The following ZFAND4 variants were observed in gnomAD, a reference collection of about 807,000 sequenced individuals.
ZFAND4 encodes zinc finger AN1-type containing 4.
A neutral mutation model predicts 64.4 loss-of-function variants in ZFAND4; 43 were observed. The observed-to-expected ratio is 0.67, with a 90% CI of 0.52 to 0.86. The LOEUF (loss-of-function observed/expected upper bound fraction) is 0.86. ZFAND4 is among the 40% of genes least tolerant of loss of function. ZFAND4 has a pLI of 0.00. For missense variants in ZFAND4, 929 were observed against 859.8 expected (o/e 1.08, Z -1.01); for synonymous variants, 296 against 305.7 (o/e 0.97, Z 0.33).
chr10:45,672,293 A>G lies in ZFAND4; in HGVS notation c.-161T>C, dbSNP rs1223943055. ...TCACCTGCGCAGCCGTTGCTCCTCC[A>G]AGACCAATCCGGGCTCCCCAGACCC... On this transcript the variant is annotated 5_prime_UTR_variant, in exon 1 of 10. Coordinates refer to ENST00000344646, the MANE Select transcript of ZFAND4 (RefSeq NM_174890.4). 3 of 152,302 alleles carry G rather than the reference A, an allele frequency of 2.0e-5. No individual in the cohort carries two copies. Among genetic ancestry groups the G allele is most frequent in the Non-Finnish European group, 1.5e-5 (1 of 68,102 alleles). The allele number at this position is 152,302 out of a possible 1,614,324, so 9.4% of individuals were successfully genotyped here.
Position 45,618,256 on chromosome 10 carries a change from T to C in ZFAND4, c.1932A>G (p.Glu644=), listed in dbSNP as rs1030407570. Residue 644 remains glutamate (E), a synonymous_variant, in exon 9 of 10, where the codon GAA becomes GAG. Coordinates refer to ENST00000344646, the MANE Select transcript of ZFAND4 (RefSeq NM_174890.4). ...NNAAAGKSVG[E]CTTHHLPPVK... ...CAGGTGGGAGGTGATGAGTAGTACA[T>C]TCTCCTGTTTAGAGAAAGGACACCT... 6.2e-7 allele frequency: 1 copy of C among 1,611,060 alleles called. No individual in the cohort carries two copies. The highest frequency in any genetic ancestry group is 8.5e-7 in the Non-Finnish European group (1 of 1,179,180).
intron 6 of ZFAND4, among the ~76,000 whole-genome samples, chr10:45,631,463 G>A (rs2046220493): frequency 6.7e-6 from 1 of 149,428 alleles, no homozygotes. Flanking sequence ...AGTGAAAATT[G>A]ACCCTGAAGA....
chr10:45,655,001 G>A (rs1433936929), intron 2 of ZFAND4, among the ~76,000 whole-genome samples: 1 of 151,928 alleles, frequency 6.6e-6, no homozygotes, highest in African/African-American at 2.4e-5. Context: ...AGAACAAATG[G>A]ACCTAACAGA....
intron 8 of ZFAND4, among the ~76,000 whole-genome samples, chr10:45,619,827 G>C (rs2045281578): frequency 6.6e-6 from 1 of 152,066 alleles, no homozygotes; most frequent in Non-Finnish European, 1.5e-5. Flanking sequence ...TGAAACAATT[G>C]AGAGACTCCT....
At position 45,639,214 on chromosome 10, in the gene ZFAND4, C is replaced by T. The variant is rs139628770; in HGVS notation, c.717+602G>A. ...AAATCTGTAACAAAAAACATACAAC[C>T]CAATAGAAAAATGGAAAAATATAGG... On this transcript the variant is annotated intron_variant, in intron 6 of 9. Coordinates refer to ENST00000344646, the MANE Select transcript of ZFAND4 (RefSeq NM_174890.4). Among the ~76,000 whole-genome samples the T allele has an allele frequency of 4.2e-3, 639 of 151,732 alleles. 4 individuals are homozygous for T. Among genetic ancestry groups the T allele is most frequent in the African/African-American group, 0.015 (605 of 41,388 alleles).
intron 6 of ZFAND4, among the ~76,000 whole-genome samples, chr10:45,631,135 G>A (rs559216911): frequency 1.3e-5 from 2 of 151,920 alleles, no homozygotes; most frequent in African/African-American, 2.4e-5. Context: ...TGGCTAACAC[G>A]GTGAAACCCT....
chr10:45,663,042 C>A (rs924257022), intron 2 of ZFAND4, among the ~76,000 whole-genome samples: 4 of 151,372 alleles, frequency 2.6e-5, no homozygotes, highest in African/African-American at 9.7e-5. Flanking sequence ...TTATTCAGCA[C>A]CCCTGCTATA....
Position 45,627,033 on chromosome 10 carries a change from A to G in ZFAND4, c.790T>C (p.Ser264Pro), listed in dbSNP as rs1170975649. ...PRPSSGSTAP[S>P]RHRLLRVLPN... ...AGGACCCTTAACAATCGGTGGCGAG[A>G]TGGTGCAGTGGAACCACTAGAAGGT... Residue 264 changes from serine to proline, a missense_variant, in exon 7 of 10, where the codon TCT becomes CCT. By Grantham distance (74) the Ser-to-Pro change is moderately conservative. Transcript: ENST00000344646. 1.2e-6 allele frequency: 2 copies of G among 1,604,084 alleles called. No individual in the cohort carries two copies. The highest frequency in any genetic ancestry group is 1.7e-6 in the Non-Finnish European group (2 of 1,174,256).
chr10:45,625,962 C>G lies in ZFAND4; in HGVS notation c.1861G>C (p.Gly621Arg). ...AGGAAAATACTGACCAAAAAAACTCCTGTATGTTCTAACTGGGGAGAACTT... is the reference window on the plus strand; with the variant it reads ...AGGAAAATACTGACCAAAAAAACTCGTGTATGTTCTAACTGGGGAGAACTT... ...RKSSPQLEHT[G>R]VFLSTHGVGM... Residue 621 changes from glycine (G) to arginine (R), a missense_variant, in exon 7 of 10, where the codon GGA (glycine) becomes CGA (arginine). By Grantham distance (125) the Gly-to-Arg change is moderately radical. Transcript: ENST00000344646. The G allele has an allele frequency of 2.5e-6, 4 of 1,613,554 alleles. No individual in the cohort carries two copies. The highest frequency in any genetic ancestry group is 3.4e-6 in the Non-Finnish European group (4 of 1,179,886).
At chr10:45,656,590 T>C (rs1333488986) in intron 2 of ZFAND4, among the ~76,000 whole-genome samples, 1 of 126,332 alleles carries the variant, frequency 7.9e-6, no homozygotes, top group African/African-American at 3.0e-5. Flanking sequence ...AGCACCAGAA[T>C]ATCAAAACAC....
At chr10:45,640,594 G>A (rs966575049) in intron 5 of ZFAND4, among the ~76,000 whole-genome samples, 1 of 151,954 alleles carries the variant, frequency 6.6e-6, no homozygotes, top group Non-Finnish European at 1.5e-5. Flanking sequence ...GGGTTCAAGC[G>A]ATTCTCCTGC....
chr10:45,671,696 G>A (rs898813463), intron 1 of ZFAND4, among the ~76,000 whole-genome samples: 1 of 152,122 alleles, frequency 6.6e-6, no homozygotes, highest in Admixed American at 6.5e-5. Context: ...GAGTGAGATG[G>A]GGGGAGGGAT....
At chr10:45,650,640 A>C (rs1589382729) in intron 4 of ZFAND4, 1 of 152,218 alleles carries the variant, frequency 6.6e-6, no homozygotes, top group South Asian at 2.1e-4. Context: ...CTTTGGTTTA[A>C]AGTAGTACTA....
At chr10:45,671,539 G>A (rs1241158069) in intron 1 of ZFAND4, among the ~76,000 whole-genome samples, 2 of 152,122 alleles carry the variant, frequency 1.3e-5, no homozygotes, top group Non-Finnish European at 2.9e-5. Flanking sequence ...CATGGACATG[G>A]ATGAAGCTGG....
intron 6 of ZFAND4, among the ~76,000 whole-genome samples, chr10:45,627,402 C>G (rs188135802): frequency 6.6e-6 from 1 of 151,680 alleles, no homozygotes; most frequent in Non-Finnish European, 1.5e-5. Flanking sequence ...TATGACATTG[C>G]TGACCTATTT....
At position 45,632,230 on chromosome 10, in the gene ZFAND4, C is replaced by T. The variant is rs561971342; in HGVS notation, c.718-5125G>A. Among the ~76,000 whole-genome samples, 5 of 152,180 alleles carry T rather than the reference C, an allele frequency of 3.3e-5. No homozygotes were observed. The East Asian group carries it at 7.7e-4, about 24-fold the overall frequency. ...AAAATTAGCCGGGTGTGGTGGCACA[C>T]GCCTGTAATCCTAGCTACTCAGAAG... is the stretch of plus-strand genomic sequence containing the variant. On this transcript the variant is annotated intron_variant, in intron 6 of 9. Transcript: ENST00000344646.
chr10:45,635,195 C>CAAAAAAAAA (rs1173808756), intron 6 of ZFAND4, among the ~76,000 whole-genome samples: 80 of 27,404 alleles, frequency 2.9e-3, no homozygotes, highest in African/African-American at 5.3e-3. Context: ...GCCATCTAAG[C>CAAAAAAAAA]AAAAAAAAAA....
At chr10:45,641,634 T>G (rs1370199148) in intron 5 of ZFAND4, among the ~76,000 whole-genome samples, 1 of 152,198 alleles carries the variant, frequency 6.6e-6, no homozygotes, top group Non-Finnish European at 1.5e-5. Context: ...GTGCTTGACT[T>G]GTGACAGCCA....
intron 2 of ZFAND4, among the ~76,000 whole-genome samples, chr10:45,654,060 T>C (rs1240816630): frequency 1.3e-5 from 2 of 152,086 alleles, no homozygotes; most frequent in South Asian, 2.1e-4. Context: ...AGAGAACAAA[T>C]GCAGGAACAG....
Sources: allele counts gnomAD v4.1 joint callset (sites outside exome capture counted in the v4.1 genomes callset), GRCh38; gene constraint gnomAD v4.1.1; transcripts MANE v1.5; gene names NCBI Gene and HGNC (gene_info 2026-07-23, HGNC 2026-07-21).